The following MAGT1 variants were observed in gnomAD, a reference collection of about 807,000 sequenced individuals.
MAGT1 encodes the protein magnesium transporter 1.
Under a neutral mutation model 28.4 loss-of-function variants are expected in MAGT1, and 4 were observed. That is an observed-to-expected ratio of 0.14 (90% CI 0.07 to 0.32). MAGT1 has a LOEUF of 0.32. Ranked by LOEUF, MAGT1 falls within the 10% of genes least tolerant of loss-of-function variation. MAGT1 has a pLI of 1.00. For missense variants in MAGT1, 193 were observed against 264.5 expected (o/e 0.73, Z 1.88); for synonymous variants, 89 against 89.7 (o/e 0.99, Z 0.04).
intron 1 of MAGT1, among the ~76,000 whole-genome samples, chrX:77,881,041 T>C (rs1272340655): frequency 9.2e-6 from 1 of 108,335 alleles, no homozygotes; most frequent in African/African-American, 3.4e-5. Flanking sequence ...AAACAAGTAG[T>C]TGGTAAAGGC....
At position 77,854,854 on chromosome X, in the gene MAGT1, TTTC is replaced by T. The variant is rs1207992946; in HGVS notation, c.762+644_762+646del. Reference sequence around the variant, plus strand: ...GCTCCATGAAGACAGGGATCATGTTTTTCTTATCACTATATTTAATAATAATTA... The same window carrying T: ...GCTCCATGAAGACAGGGATCATGTTTTTATCACTATATTTAATAATAATTA... On this transcript the variant is annotated intron_variant, in intron 6 of 9. Transcript: ENST00000618282. Among the ~76,000 whole-genome samples, 4 of 111,921 alleles carry T rather than the reference TTTC, an allele frequency of 3.6e-5. No homozygotes were observed. The East Asian group carries it at 1.1e-3, about 31-fold the overall frequency.
At chrX:77,860,093 T>G (rs2076990942) in intron 3 of MAGT1, among the ~76,000 whole-genome samples, 1 of 111,868 alleles carries the variant, frequency 8.9e-6, no homozygotes, top group Admixed American at 9.5e-5. Context: ...CATCTTTGTT[T>G]TTTTTTCTTG....
intron 8 of MAGT1, among the ~76,000 whole-genome samples, chrX:77,833,894 T>C (rs894841806): frequency 7.2e-5 from 8 of 110,949 alleles, no homozygotes; most frequent in African/African-American, 2.0e-4. Context: ...TATAGAGTTA[T>C]AGTAACCAAA....
chrX:77,863,362 A>G (rs1557216601), intron 3 of MAGT1, among the ~76,000 whole-genome samples: 3 of 108,494 alleles, frequency 2.8e-5, no homozygotes, highest in Non-Finnish European at 5.7e-5. Flanking sequence ...AAATACAACA[A>G]AAATTAGCCG....
chrX:77,869,305 A>G (rs1435550319), intron 3 of MAGT1, among the ~76,000 whole-genome samples: 3 of 111,807 alleles, frequency 2.7e-5, no homozygotes, highest in Non-Finnish European at 3.8e-5. Flanking sequence ...ATGATCCACC[A>G]TGCCCAGCTG....
chrX:77,831,313 G>A (rs975875542), intron 8 of MAGT1, among the ~76,000 whole-genome samples: 4 of 111,186 alleles, frequency 3.6e-5, no homozygotes, highest in Non-Finnish European at 7.5e-5. Context: ...CACCATGCCC[G>A]GCCTGGCAGT....
intron 8 of MAGT1, among the ~76,000 whole-genome samples, chrX:77,835,544 C>A (rs1240455813): frequency 9.0e-6 from 1 of 111,287 alleles, no homozygotes; most frequent in African/African-American, 3.3e-5. Flanking sequence ...CCTCAAAAAA[C>A]TAAAAATTGA....
intron 1 of MAGT1, among the ~76,000 whole-genome samples, chrX:77,876,139 T>C (rs1370339344): frequency 8.0e-5 from 2 of 24,947 alleles, no homozygotes; most frequent in Non-Finnish European, 1.5e-4. Context: ...CCTTTATATA[T>C]ATATATATAT....
intron 7 of MAGT1, among the ~76,000 whole-genome samples, chrX:77,843,895 G>C (rs2076942694): frequency 9.0e-6 from 1 of 111,232 alleles, no homozygotes; most frequent in Non-Finnish European, 1.9e-5. Context: ...AGGAATATTT[G>C]GTCTAAAATT....
In MAGT1 at chrX:77,868,965, C is replaced by T. The variant is rs781871327; in HGVS notation, c.390+1843G>A. On this transcript the variant is annotated intron_variant, in intron 3 of 9. Coordinates refer to ENST00000618282, the MANE Select transcript of MAGT1 (RefSeq NM_001367916.1). ...GAGGTAAGGGGACAAAAGAAATCAA[C>T]TCAAGATGGACCAGAAACTTAAATC... Among the ~76,000 whole-genome samples, 29 of 112,219 alleles carry T rather than the reference C, an allele frequency of 2.6e-4. No individual in the cohort carries two copies. In the South Asian group the frequency reaches 0.011, roughly 41 times the overall value.
In MAGT1 at chrX:77,826,923, T is replaced by C. The variant is rs1557212969; in HGVS notation, c.*2297A>G. 2 of 111,558 alleles carry C rather than the reference T, an allele frequency of 1.8e-5. No homozygotes were observed. The highest frequency in any genetic ancestry group is 6.5e-5 in the African/African-American group (2 of 30,731). The allele number at this position is 111,558 out of a possible 1,213,427, so 9.2% of individuals were successfully genotyped here. On this transcript the variant is annotated 3_prime_UTR_variant, in exon 10 of 10. Coordinates refer to ENST00000618282, the MANE Select transcript of MAGT1 (RefSeq NM_001367916.1). ...AAAGTAAAAGGTCAACCATATCCCC[T>C]CATCCATGAAATCTAGTAACGAAAA...
chrX:77,895,097 C>A lies in MAGT1; in HGVS notation c.102+212G>T, dbSNP rs181721387. Among the ~76,000 whole-genome samples, 224 of 111,490 alleles carry A rather than the reference C, an allele frequency of 2.0e-3. 1 individual carries two copies. Among genetic ancestry groups the A allele is most frequent in the African/African-American group, 6.9e-3 (212 of 30,717 alleles). On this transcript the variant is annotated intron_variant, in intron 1 of 9. Coordinates refer to ENST00000618282, the MANE Select transcript of MAGT1 (RefSeq NM_001367916.1). ...CACAAGACTGTAGAAGTCGGGCTGT[C>A]ACCTACGCTACTCCACTCTCAGATT...
At chrX:77,843,400 G>A (rs962343703) in intron 7 of MAGT1, among the ~76,000 whole-genome samples, 1 of 110,590 alleles carries the variant, frequency 9.0e-6, no homozygotes, top group South Asian at 3.9e-4. Context: ...CGCCACGTTC[G>A]TTTTGTTGAT....
intron 1 of MAGT1, among the ~76,000 whole-genome samples, chrX:77,876,132 TTATA>T (rs1222026237): frequency 2.4e-3 from 81 of 34,018 alleles, no homozygotes; most frequent in African/African-American, 4.9e-3. Context: ...CACCTGGCCT[TTATA>T]TATATATATA....
chrX:77,826,711 A>C lies in MAGT1; in HGVS notation c.*2509T>G, dbSNP rs1557212949. On this transcript the variant is annotated 3_prime_UTR_variant, in exon 10 of 10. Coordinates refer to ENST00000618282, the MANE Select transcript of MAGT1 (RefSeq NM_001367916.1). Reference sequence around the variant, plus strand: ...TCAATGTTCATGACAAATTATCTGGAACTATACAGATTACATGGCAGTAGT... The same window carrying C: ...TCAATGTTCATGACAAATTATCTGGCACTATACAGATTACATGGCAGTAGT... 1 of 112,565 alleles carries C rather than the reference A, an allele frequency of 8.9e-6. No homozygotes were observed. The highest frequency in any genetic ancestry group is 3.2e-5 in the African/African-American group (1 of 31,064). 9.3% of individuals were successfully genotyped at this position (112,565 alleles called of 1,213,427 possible).
chrX:77,895,433 A>T lies in MAGT1; in HGVS notation c.-23T>A. ...CATGTTCGCTCCTCTCCCTTCTATA[A>T]GTGAAACTTTGCTCCGGCTAGGTCT... On this transcript the variant is annotated 5_prime_UTR_variant, in exon 1 of 10. Transcript: ENST00000618282. The T allele has an allele frequency of 8.3e-7, 1 of 1,208,266 alleles. No individual in the cohort carries two copies. The highest frequency in any genetic ancestry group is 1.7e-5 in the African/African-American group (1 of 57,846).
intron 2 of MAGT1, 81 bp downstream of exon 2, chrX:77,875,347 A>G: frequency 1.1e-6 from 1 of 948,015 alleles, no homozygotes; most frequent in Non-Finnish European, 1.5e-6. Context: ...TACCTACTGC[A>G]CTAACTTGGC....
At chrX:77,887,298 T>C (rs1182982930) in intron 1 of MAGT1, among the ~76,000 whole-genome samples, 1 of 111,590 alleles carries the variant, frequency 9.0e-6, no homozygotes, top group East Asian at 2.8e-4. Context: ...GGTCTTGCTA[T>C]GTTGCGCAGG....
At chrX:77,865,468 T>G (rs1453926299) in intron 3 of MAGT1, among the ~76,000 whole-genome samples, 2 of 109,088 alleles carry the variant, frequency 1.8e-5, no homozygotes, top group Non-Finnish European at 3.8e-5. Context: ...TTTTGTTGTT[T>G]TTTTTTTGTA....
Sources: gnomAD v4.1 joint callset for allele counts (sites outside exome capture counted in the v4.1 genomes callset) on GRCh38, gnomAD v4.1.1 for gene constraint, MANE v1.5 for transcripts, NCBI Gene and HGNC (gene_info 2026-07-23, HGNC 2026-07-21) for gene names.